Variants in DST observed in about 807,000 individuals in gnomAD.
DST encodes bullous pemphigoid antigen.
DST carries 253 observed loss-of-function variants against 875.2 expected under a neutral mutation model. The observed-to-expected ratio is 0.29, with a 90% CI of 0.26 to 0.32. DST has a LOEUF of 0.32. Ranked by LOEUF, DST falls within the 10% of genes least tolerant of loss-of-function variation. The probability of loss-of-function intolerance (pLI) is 1.00; values close to 1 mark genes in which losing one functional copy is unlikely to be tolerated. For synonymous variants in DST, 3,124 were observed against 3,197.1 expected (o/e 0.98, Z 0.77); for missense variants, 8,287 against 9,111.6 (o/e 0.91, Z 3.68).
chr6:56,666,070 T>C (rs2099070673), intron 10 of DST, among the ~76,000 whole-genome samples: 1 of 152,222 alleles, frequency 6.6e-6, no homozygotes, highest in African/African-American at 2.4e-5. Flanking sequence ...TTCTCTTCAC[T>C]GTTATTTCAC....
intron 4 of DST, among the ~76,000 whole-genome samples, chr6:56,766,966 A>T (rs2099634981): frequency 6.6e-6 from 1 of 152,198 alleles, no homozygotes; most frequent in South Asian, 2.1e-4. Context: ...TCATGCCCTT[A>T]AGCTACTCTT....
At chr6:56,895,032 T>C (rs1433624250) in intron 3 of DST, among the ~76,000 whole-genome samples, 1 of 104,204 alleles carries the variant, frequency 9.6e-6, no homozygotes, top group African/African-American at 5.1e-5. Context: ...GGCGGGGGGT[T>C]GACCCCCCAC....
At chr6:56,617,976 C>G (rs2098644506) in intron 36 of DST, 2 of 1,609,728 alleles carry the variant, frequency 1.2e-6, no homozygotes, top group Non-Finnish European at 8.5e-7. Context: ...TCTCAGAACA[C>G]AGAGTATACC....
rs560233613 is a variant in DST at position 56,775,730 on chromosome 6, A to G, written c.626-40441T>C. ...AGGAGCAAACCTGAAAGAGCTCCCA[A>G]TGGCCAAAGCTGGAATAATTTGAGC... On this transcript the variant is annotated intron_variant, in intron 4 of 103. Transcript: ENST00000680361. 1.4e-3 allele frequency among the ~76,000 whole-genome samples: 210 copies of G among 152,338 alleles called. 2 individuals carry two copies. Among genetic ancestry groups the G allele is most frequent in the Non-Finnish European group, 2.6e-3 (174 of 68,020 alleles).
chr6:56,528,905 TA>T lies in DST; in HGVS notation c.17615del (p.Leu5872TyrfsTer7). The T allele has an allele frequency of 6.3e-7, 1 of 1,584,960 alleles. No homozygotes were observed. Among genetic ancestry groups the T allele is most frequent in the Non-Finnish European group, 8.6e-7 (1 of 1,163,252 alleles). ...CCTGATCTACATTTTGTTTCCTGAG[TA>T]AGATGTCCTCTTGCAGAACCTGAAA... Reference protein sequence around the residue: ...SELRVLQEDILLRKQNVDQAL... With the variant: ...SELRVLQEDIXLRKQNVDQAL... On this transcript the variant is annotated frameshift_variant, in exon 67 of 104. Coordinates refer to ENST00000680361, the MANE Select transcript of DST (RefSeq NM_001374736.1). LOFTEE classifies it high-confidence loss of function.
Position 56,610,572 on chromosome 6 carries a change from C to A in DST, c.5148-10G>T. The A allele has an allele frequency of 6.4e-7, 1 of 1,568,158 alleles. No homozygotes were observed. ...TTCTTCATCTGTCATTCTAAATAAC[C>A]AGAAATGATAAAAAGACTAATGCAA... On this transcript the variant is annotated splice_polypyrimidine_tract_variant and intron_variant, in intron 38 of 103. Coordinates refer to ENST00000680361, the MANE Select transcript of DST (RefSeq NM_001374736.1).
Position 56,476,454 on chromosome 6 carries a change from T to C in DST, c.21676-117A>G, listed in dbSNP as rs1437540985. On this transcript the variant is annotated intron_variant, in intron 91 of 103. Coordinates refer to ENST00000680361, the MANE Select transcript of DST (RefSeq NM_001374736.1). ...GGATCATCCTGAGCTAGACCCATAA[T>C]GCTTCTGGTCTTTTTAGATTCCATT... 7 of 895,084 alleles carry C rather than the reference T, an allele frequency of 7.8e-6. No homozygotes were observed. In the Admixed American group the frequency reaches 1.2e-4, roughly 16 times the overall value. 55.4% of individuals were successfully genotyped at this position (895,084 alleles called of 1,614,324 possible).
At chr6:56,462,178 G>T (rs2094365450) in intron 102 of DST, 1 of 152,038 alleles carries the variant, frequency 6.6e-6, no homozygotes, top group Non-Finnish European at 1.5e-5. Flanking sequence ...AGGTATTTAG[G>T]GATTTTTCCC....
intron 4 of DST, chr6:56,843,563 T>A (rs2099803142): frequency 1.0e-6 from 1 of 983,696 alleles, no homozygotes; most frequent in South Asian, 4.7e-5. Context: ...ACGAGGCGCG[T>A]GCTTCGGGCC....
chr6:56,582,169 C>T (rs2098015995), intron 49 of DST, among the ~76,000 whole-genome samples: 1 of 152,102 alleles, frequency 6.6e-6, no homozygotes, highest in Admixed American at 6.5e-5. Flanking sequence ...TGTGTTCTAC[C>T]TAAAATATAC....
In DST at chr6:56,532,385, C is replaced by T. The variant is rs376183912; in HGVS notation, c.17067G>A (p.Leu5689=). 8 of 1,613,638 alleles carry T rather than the reference C, an allele frequency of 5.0e-6. No individual in the cohort carries two copies. The African/African-American group carries it at 6.7e-5, about 13-fold the overall frequency. Residue 5689 remains leucine, a synonymous_variant, in exon 64 of 104, where the codon TTG becomes TTA. Coordinates refer to ENST00000680361, the MANE Select transcript of DST (RefSeq NM_001374736.1). ...TAAGCAATGCCTCCCATCTGCTATC[C>T]AAGAGACTGAGCTGTTTCAAAATCT... ...KVKILKQLSL[L]DSRWEALLNK...
At chr6:56,507,751 C>T (rs971606667) in intron 75 of DST, among the ~76,000 whole-genome samples, 5 of 152,156 alleles carry the variant, frequency 3.3e-5, no homozygotes, top group African/African-American at 1.2e-4. Context: ...ACTTTGGAAA[C>T]ATAGGCATGA....
intron 92 of DST, 80 bp downstream of exon 92, chr6:56,476,069 T>C (rs1582480804): frequency 8.2e-7 from 1 of 1,215,734 alleles, no homozygotes. Flanking sequence ...AACAAAGCAA[T>C]GTTTTGAGAA....
At chr6:56,542,762 C>G (rs1399243144) in intron 61 of DST, 1 of 152,306 alleles carries the variant, frequency 6.6e-6, no homozygotes, top group Admixed American at 6.5e-5. Context: ...GGCATGCTCT[C>G]CAGCCAGGGC....
intron 5 of DST, among the ~76,000 whole-genome samples, chr6:56,708,339 TA>T (rs1177974121): frequency 3.3e-5 from 5 of 152,088 alleles, no homozygotes; most frequent in African/African-American, 1.2e-4. Flanking sequence ...AGAAAATGTA[TA>T]AAATAAAAGC....
Position 56,607,490 on chromosome 6 carries a change from G to A in DST, c.7138C>T (p.Arg2380Cys), listed in dbSNP as rs80018189. The A allele has an allele frequency of 3.4e-3, 5,404 of 1,597,270 alleles. 164 individuals carry two copies. In the African/African-American group the frequency reaches 0.062, roughly 18 times the overall value. Residue 2380 changes from arginine to cysteine, a missense_variant, in exon 40 of 104, where the codon CGT becomes TGT. Around this residue, in one of 10 missense-constraint regions of DST, gnomAD observed 3,138 missense variants for 3,116.6 expected, o/e 1.01. Coordinates refer to ENST00000680361, the MANE Select transcript of DST (RefSeq NM_001374736.1). ...ENQSRVETNE[R>C]ANECSHSKNI... is the part of the protein sequence containing the mutation. ...TTAGAATGACTACATTCATTTGCAC[G>A]TTCATTTGTTTCCACTCGGCTTTGA...
At chr6:56,873,279 T>C (rs996047153) in intron 3 of DST, among the ~76,000 whole-genome samples, 3 of 152,230 alleles carry the variant, frequency 2.0e-5, no homozygotes, top group African/African-American at 4.8e-5. Context: ...AAATATTTTT[T>C]TCCCATTCTG....
chr6:56,704,138 C>T (rs759050010), intron 6 of DST, 142 bp downstream of exon 6: 1 of 464,356 alleles, frequency 2.2e-6, no homozygotes, highest in Non-Finnish European at 3.8e-6. Context: ...AGGAATCTAA[C>T]CAAAACTTCT....
At chr6:56,645,474 T>C (rs749420752) in intron 15 of DST, among the ~76,000 whole-genome samples, 4 of 152,134 alleles carry the variant, frequency 2.6e-5, no homozygotes, top group Admixed American at 6.5e-5. Flanking sequence ...AGATTTTGGT[T>C]TCCAATGCCC....
Sources: allele counts gnomAD v4.1 joint callset (sites outside exome capture counted in the v4.1 genomes callset), GRCh38; gene constraint gnomAD v4.1.1; regional missense constraint gnomAD v4.1.1; transcripts MANE v1.5; gene names NCBI Gene and HGNC (gene_info 2026-07-23, HGNC 2026-07-21).